Variants in CNIH3 observed in about 807,000 individuals in gnomAD.
CNIH3 encodes cornichon family AMPA receptor auxiliary protein 3, also known as protein cornichon homolog 3.
Under a neutral mutation model 24.1 loss-of-function variants are expected in CNIH3, and 14 were observed. The ratio of observed to expected loss-of-function variants is 0.58; its 90% confidence interval spans 0.38 to 0.91. CNIH3 has a LOEUF of 0.91. Ranked by LOEUF, CNIH3 falls within the 40% of genes least tolerant of loss-of-function variation. CNIH3 has a pLI of 0.00. For missense variants in CNIH3, 178 were observed against 196.8 expected, an observed-to-expected ratio of 0.90 and a Z score of 0.57; for synonymous variants, 68 against 73.8, an observed-to-expected ratio of 0.92 and a Z score of 0.40.
rs1572849982 is a variant in CNIH3, at chr1:224,739,473, G to A, written c.*117G>A. ...ATGAGGATACGTGAGAAATAGACCC[G>A]GCAGGCAGTCAGACTGAATGGGAGC... is the stretch of plus-strand genomic sequence containing the variant. On this transcript the variant is annotated 3_prime_UTR_variant, in exon 6 of 6. Coordinates refer to ENST00000272133, the MANE Select transcript of CNIH3 (RefSeq NM_152495.2). 4.5e-5 allele frequency: 69 copies of A among 1,549,782 alleles called. 1 individual carries two copies. The South Asian group carries it at 6.3e-4, about 14-fold the overall frequency.
At chr1:224,622,615 G>A (rs936913169) in intron 1 of CNIH3, among the ~76,000 whole-genome samples, 2 of 152,236 alleles carry the variant, frequency 1.3e-5, no homozygotes, top group African/African-American at 4.8e-5. Flanking sequence ...AATCCCAACT[G>A]TTTGGTGAGG....
chr1:224,651,562 T>C lies in CNIH3; in HGVS notation c.82-29396T>C, dbSNP rs567529789. ...TTGTTTCTTCGTGTTCGTGTCATCT[T>C]ACATAAACACTAATGCTTTTTAGAG... On this transcript the variant is annotated intron_variant, in intron 1 of 5. Coordinates refer to ENST00000272133, the MANE Select transcript of CNIH3 (RefSeq NM_152495.2). 5.3e-5 allele frequency among the ~76,000 whole-genome samples: 8 copies of C among 152,356 alleles called. No individual in the cohort carries two copies. The South Asian group carries it at 1.4e-3, about 28-fold the overall frequency.
intron 4 of CNIH3, among the ~76,000 whole-genome samples, chr1:224,731,321 A>T (rs1689314893): frequency 6.6e-6 from 1 of 151,822 alleles, no homozygotes; most frequent in Non-Finnish European, 1.5e-5. Context: ...ATTTTCTGGG[A>T]CAGTTATAAT....
intron 2 of CNIH3, among the ~76,000 whole-genome samples, chr1:224,526,021 C>G (rs1401603547): frequency 6.6e-6 from 1 of 152,204 alleles, no homozygotes; most frequent in Admixed American, 6.5e-5. Flanking sequence ...GGGGTTCTCT[C>G]TCATCCTCTG....
chr1:224,594,002 G>A (rs1306860252), intron 3 of CNIH3, among the ~76,000 whole-genome samples: 3 of 152,200 alleles, frequency 2.0e-5, no homozygotes, highest in Non-Finnish European at 4.4e-5. Context: ...GGGAGAAGGG[G>A]GAAATAGGAA....
chr1:224,491,010 G>A (rs926647081), intron 1 of CNIH3, among the ~76,000 whole-genome samples: 1 of 152,180 alleles, frequency 6.6e-6, no homozygotes, highest in Non-Finnish European at 1.5e-5. Flanking sequence ...TATGGCCACT[G>A]GGATTGGCCA....
intron 2 of CNIH3, among the ~76,000 whole-genome samples, chr1:224,530,100 G>A (rs1191219704): frequency 2.6e-5 from 4 of 152,168 alleles, no homozygotes; most frequent in Non-Finnish European, 4.4e-5. Flanking sequence ...CTGCACTTCT[G>A]GGAAGTCTGG....
At chr1:224,438,479 G>C (rs1334468391) in intron 1 of CNIH3, among the ~76,000 whole-genome samples, 1 of 152,204 alleles carries the variant, frequency 6.6e-6, no homozygotes, top group African/African-American at 2.4e-5. Context: ...AACTAGTAGA[G>C]ACTGTAGTTG....
chr1:224,663,960 C>G (rs1468458990), intron 1 of CNIH3, among the ~76,000 whole-genome samples: 1 of 152,194 alleles, frequency 6.6e-6, no homozygotes, highest in Non-Finnish European at 1.5e-5. Context: ...ATTGAAATGC[C>G]AGGGGTTTGG....
At chr1:224,718,398 A>G (rs571864869) in intron 3 of CNIH3, among the ~76,000 whole-genome samples, 40 of 152,278 alleles carry the variant, frequency 2.6e-4, no homozygotes, top group African/African-American at 8.9e-4. Flanking sequence ...GCTGGAGTGG[A>G]GTGAGCAGGG....
chr1:224,634,093 C>T (rs528530513), intron 1 of CNIH3, among the ~76,000 whole-genome samples: 2 of 152,308 alleles, frequency 1.3e-5, no homozygotes, highest in East Asian at 3.9e-4. Context: ...GGGATGACTA[C>T]CCACCGCCCC....
At chr1:224,647,392 C>G (rs1320068075) in intron 1 of CNIH3, among the ~76,000 whole-genome samples, 3 of 152,162 alleles carry the variant, frequency 2.0e-5, no homozygotes, top group African/African-American at 7.2e-5. Context: ...TTGTGGAAAA[C>G]CCTGAAGTAG....
At chr1:224,559,918 T>C (rs1680295112) in intron 3 of CNIH3, among the ~76,000 whole-genome samples, 2 of 152,290 alleles carry the variant, frequency 1.3e-5, no homozygotes, top group East Asian at 3.9e-4. Flanking sequence ...TTTTTTCCAA[T>C]AGTTTTACCA....
chr1:224,516,287 C>G (rs1427545016), intron 1 of CNIH3, among the ~76,000 whole-genome samples: 1 of 133,642 alleles, frequency 7.5e-6, no homozygotes, highest in Non-Finnish European at 1.5e-5. Flanking sequence ...GCATTCCCGC[C>G]TGGCGACAAA....
intron 4 of CNIH3, among the ~76,000 whole-genome samples, chr1:224,569,153 C>T (rs1558168687): frequency 6.6e-6 from 1 of 152,202 alleles, no homozygotes; most frequent in Non-Finnish European, 1.5e-5. Flanking sequence ...CAGGCGTGAG[C>T]CTCTGCACCT....
At chr1:224,460,253 C>T (rs1215858600) in intron 1 of CNIH3, among the ~76,000 whole-genome samples, 1 of 152,084 alleles carries the variant, frequency 6.6e-6, no homozygotes, top group Non-Finnish European at 1.5e-5. Context: ...AATTGATATA[C>T]AATACACTGC....
At chr1:224,489,777 G>T (rs1677171704) in intron 1 of CNIH3, among the ~76,000 whole-genome samples, 1 of 152,140 alleles carries the variant, frequency 6.6e-6, no homozygotes, top group Non-Finnish European at 1.5e-5. Flanking sequence ...CTGGAGGCTG[G>T]GAAGTCCAAA....
rs1002516219 is a variant in CNIH3, at chr1:224,470,387, G to C, written n.203+35525G>C. The stretch of plus-strand genomic sequence containing the variant: ...CAGGATGGAGTGCAGTGGCACGATC[G>C]TAGCTCACTGCAGCCTTCTTGGACT... On this transcript the variant is annotated intron_variant and non_coding_transcript_variant, in intron 1 of 5. Transcript: ENST00000471578. Among the ~76,000 whole-genome samples the C allele has an allele frequency of 2.0e-5, 3 of 148,032 alleles. No individual in the cohort carries two copies. The Admixed American group carries it at 2.1e-4, about 10-fold the overall frequency.
At chr1:224,567,333 A>T (rs1680622167) in intron 4 of CNIH3, among the ~76,000 whole-genome samples, 4 of 152,120 alleles carry the variant, frequency 2.6e-5, no homozygotes, top group Admixed American at 2.6e-4. Context: ...GTTCACTCTG[A>T]TGATAATTTC....
Sources: gnomAD v4.1 joint callset for allele counts (sites outside exome capture counted in the v4.1 genomes callset) on GRCh38, gnomAD v4.1.1 for gene constraint, MANE v1.5 for transcripts, NCBI Gene and HGNC (gene_info 2026-07-23, HGNC 2026-07-21) for gene names.